PRORP: variants seen among roughly 807,000 people sequenced by gnomAD.
PRORP encodes the protein mitochondrial ribonuclease P catalytic subunit.
A neutral mutation model predicts 59.4 loss-of-function variants in PRORP; 51 were observed. The ratio of observed to expected loss-of-function variants is 0.86; its 90% CI spans 0.69 to 1.08. PRORP has a LOEUF of 1.08. Among genes scored for constraint, PRORP ranks in the 50% least tolerant of loss-of-function variants. PRORP has a pLI of 0.00. For missense variants in PRORP, 646 were observed against 690.3 expected, an observed-to-expected ratio of 0.94 and a Z score of 0.72; for synonymous variants, 231 against 245.6, an observed-to-expected ratio of 0.94 and a Z score of 0.55.
intron 5 of PRORP, among the ~76,000 whole-genome samples, 192 bp from the exon 6 acceptor site, chr14:35,266,535 A>ATT (rs1442438071): frequency 6.6e-6 from 1 of 152,134 alleles, no homozygotes. Flanking sequence ...CAGCAGGCAG[A>ATT]TGTTAGACAT....
At chr14:35,130,435 TGA>T (rs1420700142) in intron 4 of PRORP, among the ~76,000 whole-genome samples, 1 of 152,102 alleles carries the variant, frequency 6.6e-6, no homozygotes, top group African/African-American at 2.4e-5. Flanking sequence ...TTATTAACAG[TGA>T]GTTATGTACC....
At chr14:35,132,927 G>A (rs1303642066) in intron 4 of PRORP, among the ~76,000 whole-genome samples, 1 of 151,594 alleles carries the variant, frequency 6.6e-6, no homozygotes, top group Admixed American at 6.6e-5. Flanking sequence ...GTTTTGTTTT[G>A]TTTTGTTTTT....
At chr14:35,259,888 G>A (rs776586084) in intron 5 of PRORP, among the ~76,000 whole-genome samples, 2 of 151,282 alleles carry the variant, frequency 1.3e-5, no homozygotes, top group Non-Finnish European at 2.9e-5. Context: ...GCGAGATTCT[G>A]TCTCAAAAAA....
chr14:35,137,906 CAT>C (rs2047407809), intron 4 of PRORP, among the ~76,000 whole-genome samples: 2 of 145,746 alleles, frequency 1.4e-5, no homozygotes, highest in Middle Eastern at 3.5e-3. Flanking sequence ...CGTGCATGTA[CAT>C]GTGTGTGTTG....
At chr14:35,169,434 G>C (rs2048262207) in intron 4 of PRORP, among the ~76,000 whole-genome samples, 1 of 143,668 alleles carries the variant, frequency 7.0e-6, no homozygotes, top group African/African-American at 2.6e-5. Flanking sequence ...AACTGCCTGA[G>C]CGTGGGTAAA....
chr14:35,180,077 C>G (rs1431522225), intron 4 of PRORP, among the ~76,000 whole-genome samples: 1 of 152,170 alleles, frequency 6.6e-6, no homozygotes, highest in Admixed American at 6.5e-5. Context: ...ATATTGCTGC[C>G]TGATCGTTCC....
intron 5 of PRORP, among the ~76,000 whole-genome samples, chr14:35,241,392 T>G (rs750590644): frequency 1.3e-5 from 2 of 151,410 alleles, no homozygotes; most frequent in Non-Finnish European, 2.9e-5. Flanking sequence ...AAAAAAAAAG[T>G]ATACGAGGAT....
At chr14:35,187,483 G>A (rs377643827) in intron 5 of PRORP, among the ~76,000 whole-genome samples, 1 of 150,314 alleles carries the variant, frequency 6.7e-6, no homozygotes, top group South Asian at 2.1e-4. Context: ...GAGTGCAGTG[G>A]CATGATCTCA....
At chr14:35,183,238 A>ACG (rs1555326288) in intron 5 of PRORP, among the ~76,000 whole-genome samples, 1 of 151,492 alleles carries the variant, frequency 6.6e-6, no homozygotes, top group Non-Finnish European at 1.5e-5. Context: ...ACACACACAC[A>ACG]CGCACACACA....
At chr14:35,183,238 AC>A (rs2048662624) in intron 5 of PRORP, among the ~76,000 whole-genome samples, 1 of 151,492 alleles carries the variant, frequency 6.6e-6, no homozygotes, top group South Asian at 2.1e-4. Flanking sequence ...ACACACACAC[AC>A]GCACACACAC....
intron 5 of PRORP, among the ~76,000 whole-genome samples, chr14:35,248,133 AC>A (rs1180877814): frequency 6.6e-6 from 1 of 152,182 alleles, no homozygotes; most frequent in Non-Finnish European, 1.5e-5. Flanking sequence ...TCCCTAAAAT[AC>A]CAAAGACTGA....
At chr14:35,258,676 C>T (rs986897762) in intron 5 of PRORP, among the ~76,000 whole-genome samples, 2 of 151,918 alleles carry the variant, frequency 1.3e-5, no homozygotes, top group Non-Finnish European at 2.9e-5. Context: ...GGCAGAGATA[C>T]CGTATTTTAG....
chr14:35,256,613 A>G (rs1250382370), intron 5 of PRORP, among the ~76,000 whole-genome samples: 1 of 151,484 alleles, frequency 6.6e-6, no homozygotes, highest in African/African-American at 2.4e-5. Flanking sequence ...TACAGGCGTG[A>G]GCCACTGCGC....
In PRORP at chr14:35,125,989, T is replaced by C. The variant is rs377124247; in HGVS notation, c.987-746T>C. On this transcript the variant is annotated intron_variant, in intron 2 of 7. Transcript: ENST00000534898. ...AGGGAGCTGTGATGGCGCCATGCAC[T>C]CCAACCTGGGCGACAGAGCAAGACC... 2.6e-5 allele frequency among the ~76,000 whole-genome samples: 4 copies of C among 152,104 alleles called. No individual in the cohort carries two copies. The East Asian group carries it at 5.8e-4, about 22-fold the overall frequency.
At chr14:35,124,257 GT>G in intron 2 of PRORP, 26 bp downstream of exon 2, 1 of 1,426,450 alleles carries the variant, frequency 7.0e-7, no homozygotes, top group Non-Finnish European at 9.4e-7. Flanking sequence ...TTATATGTAT[GT>G]TTTTATTCTT....
At chr14:35,199,326 T>TC (rs1347361471) in intron 5 of PRORP, among the ~76,000 whole-genome samples, 15 of 134,520 alleles carry the variant, frequency 1.1e-4, no homozygotes, top group Admixed American at 7.8e-5. Flanking sequence ...AGAGTGAGAC[T>TC]CCATCTAAAA....
chr14:35,249,696 A>G (rs1232316922), intron 5 of PRORP, among the ~76,000 whole-genome samples: 1 of 152,228 alleles, frequency 6.6e-6, no homozygotes, highest in Non-Finnish European at 1.5e-5. Flanking sequence ...AACTGGTATT[A>G]GAAATCCTTT....
Position 35,217,397 on chromosome 14 carries a change from A to C in PRORP, c.1275+36620A>C, listed in dbSNP as rs146749638. 1.6e-3 allele frequency among the ~76,000 whole-genome samples: 249 copies of C among 151,480 alleles called. 5 individuals carry two copies. The East Asian group carries it at 0.045, about 27-fold the overall frequency. On this transcript the variant is annotated intron_variant, in intron 5 of 7. Transcript: ENST00000534898. ...GCACCTGTAATCCCAGCTATTTGGGAGGCTAAGGCAGGAGAATCACTTGAA... is the reference window on the plus strand; with the variant it reads ...GCACCTGTAATCCCAGCTATTTGGGCGGCTAAGGCAGGAGAATCACTTGAA...
chr14:35,270,492 G>A lies in PRORP; in HGVS notation c.1516G>A (p.Ala506Thr), dbSNP rs540037840. ...AAGAGACCTGATGCGGGACCACAAG[G>A]CCTGTCTGCCTGATGCCAAGACCCA... ...ITRDLMRDHK[A>T]CLPDAKTQRL... is the part of the protein sequence containing the mutation. The change falls in exon 7 of 8, where the codon GCC becomes ACC. Residue 506 changes from alanine to threonine, a missense_variant. Ala to Thr is a moderately conservative substitution (Grantham distance 58). Transcript: ENST00000534898. The A allele has an allele frequency of 1.5e-5, 25 of 1,614,170 alleles. No homozygotes were observed. Among genetic ancestry groups the A allele is most frequent in the Non-Finnish European group, 1.9e-5 (23 of 1,180,036 alleles).
Sources: allele counts gnomAD v4.1 joint callset (sites outside exome capture counted in the v4.1 genomes callset), GRCh38; gene constraint gnomAD v4.1.1; transcripts MANE v1.5; gene names NCBI Gene and HGNC (gene_info 2026-07-23, HGNC 2026-07-21).